MXRA8: variants seen among roughly 807,000 people sequenced by gnomAD.
MXRA8 encodes matrix remodeling-associated protein 8.
A neutral mutation model predicts 51.4 loss-of-function variants in MXRA8; 44 were observed. The ratio of observed to expected loss-of-function variants is 0.86; its 90% CI spans 0.67 to 1.10. MXRA8 has a LOEUF of 1.10. Among genes scored for constraint, MXRA8 ranks in the 50% least tolerant of loss-of-function variants. The pLI, the probability that MXRA8 is intolerant of heterozygous loss-of-function variation, is 0.00. For missense variants in MXRA8, 765 were observed against 638.9 expected (o/e 1.20, Z -2.13); for synonymous variants, 369 against 293.5 (o/e 1.26, Z -2.63).
chr1:1,355,295 A>G lies in MXRA8; in HGVS notation c.427T>C (p.Tyr143His), dbSNP rs200572124. ...GCCAGGCTCTCGTAGAGGTGGCAGT[A>G]GTGATGGTGCAGGTTGCAGGTGTAC... ...GLYTCNLHHH[Y>H]CHLYESLAVR... The change falls in exon 4 of 10, where the codon TAC becomes CAC. Residue 143 changes from tyrosine to histidine, a missense_variant. Transcript: ENST00000309212. The G allele has an allele frequency of 1.3e-6, 2 of 1,579,560 alleles. No homozygotes were observed. Among genetic ancestry groups the G allele is most frequent in the Non-Finnish European group, 1.7e-6 (2 of 1,166,354 alleles).
In MXRA8 at chr1:1,355,291, C is replaced by T; in HGVS notation, c.431G>A (p.Cys144Tyr). The part of the protein sequence containing the change: ...LYTCNLHHHY[C>Y]HLYESLAVRL... ...GACGGCCAGGCTCTCGTAGAGGTGGCAGTAGTGATGGTGCAGGTTGCAGGT... is the reference window on the plus strand; with the variant it reads ...GACGGCCAGGCTCTCGTAGAGGTGGTAGTAGTGATGGTGCAGGTTGCAGGT... The change falls in exon 4 of 10, where the codon TGC becomes TAC. Residue 144 changes from cysteine to tyrosine, a missense_variant. Physicochemically the swap from Cys to Tyr is radical, Grantham distance 194. Coordinates refer to ENST00000309212, the MANE Select transcript of MXRA8 (RefSeq NM_032348.4). 1.3e-6 allele frequency: 2 copies of T among 1,579,336 alleles called. No individual in the cohort carries two copies. Among genetic ancestry groups the T allele is most frequent in the Non-Finnish European group, 1.7e-6 (2 of 1,166,332 alleles).
chr1:1,358,626 C>T (rs536358350), upstream of MXRA8: 17 of 1,446,758 alleles, frequency 1.2e-5, no homozygotes, highest in South Asian at 5.9e-5. Flanking sequence ...GGCCTGTCTA[C>T]GGTCTGGGGA....
upstream of MXRA8, among the ~76,000 whole-genome samples, chr1:1,361,013 C>G (rs941659827): frequency 6.6e-6 from 1 of 150,668 alleles, no homozygotes; most frequent in Non-Finnish European, 1.5e-5. Flanking sequence ...CGCGAAGACA[C>G]AGACACATAC....
At chr1:1,356,327 C>T (rs1281739580) in intron 2 of MXRA8, among the ~76,000 whole-genome samples, 14 of 81,170 alleles carry the variant, frequency 1.7e-4, no homozygotes, top group Admixed American at 6.3e-4. Context: ...TGGTGGGCCC[C>T]GAGGGCCCTG....
In MXRA8 at chr1:1,354,833, G is replaced by A. The variant is rs555920034; in HGVS notation, c.798C>T (p.Asp266=). Residue 266 remains aspartate (D), a synonymous_variant, in exon 5 of 10, where the codon GAC becomes GAT. Coordinates refer to ENST00000309212, the MANE Select transcript of MXRA8 (RefSeq NM_032348.4). ...GCAGGTGGCAGGAGTAGGTGCCCTC[G>A]TCGGCGACCTCCAGCGGCTCGATAC... ...SLRIEPLEVA[D]EGTYSCHLHH... is the part of the protein sequence containing the mutation. 4 of 1,612,234 alleles carry A rather than the reference G, an allele frequency of 2.5e-6. No individual in the cohort carries two copies. The highest frequency in any genetic ancestry group is 1.7e-4 in the Middle Eastern group (1 of 6,046).
In MXRA8 at chr1:1,355,120, T is replaced by C. The variant is rs1429712955; in HGVS notation, c.511A>G (p.Lys171Glu). The C allele has an allele frequency of 1.4e-5, 21 of 1,502,748 alleles. No homozygotes were observed. The highest frequency in any genetic ancestry group is 2.6e-5 in the East Asian group (1 of 38,130). The allele number at this position is 1,502,748 out of a possible 1,614,324, so 93.1% of individuals were successfully genotyped here. A position where few individuals can be genotyped will look rare whatever the true frequency, so the allele number is the denominator to read the frequency against. The change falls in exon 5 of 10, where the codon AAG becomes GAG. Residue 171 changes from lysine to glutamate, a missense_variant. Coordinates refer to ENST00000309212, the MANE Select transcript of MXRA8 (RefSeq NM_032348.4). ...PATPAYWDGE[K>E]EVLAVARGAP... ...CCGCGCGCCACCGCCAGCACCTCCT[T>C]CTCGCCGTCCCAGTAGGCGGGGGTG... is the stretch of plus-strand genomic sequence containing the variant.
chr1:1,356,619 C>T, intron 2 of MXRA8, 62 bp downstream of exon 2: 9 of 1,039,126 alleles, frequency 8.7e-6, no homozygotes, highest in Non-Finnish European at 1.1e-5. Flanking sequence ...GGGGCTGGGC[C>T]TGGCAAGATA....
chr1:1,353,644 C>T lies in MXRA8; in HGVS notation c.1304-15G>A, dbSNP rs753141750. Reference sequence around the variant, plus strand: ...CTTCCGGAACCCTGGAAGCCAAGGGCGCCAACGGGTTGGCGGCTGTCCTCC... The same window carrying T: ...CTTCCGGAACCCTGGAAGCCAAGGGTGCCAACGGGTTGGCGGCTGTCCTCC... On this transcript the variant is annotated splice_polypyrimidine_tract_variant and intron_variant, in intron 9 of 9. Coordinates refer to ENST00000309212, the MANE Select transcript of MXRA8 (RefSeq NM_032348.4). 6.7e-5 allele frequency: 104 copies of T among 1,563,622 alleles called. No individual in the cohort carries two copies. Among genetic ancestry groups the T allele is most frequent in the Middle Eastern group, 1.7e-4 (1 of 5,984 alleles).
chr1:1,357,822 T>G (rs769444413), intron 1 of MXRA8, among the ~76,000 whole-genome samples: 4 of 152,126 alleles, frequency 2.6e-5, no homozygotes, highest in Non-Finnish European at 5.9e-5. Flanking sequence ...AAAAATTCCC[T>G]GAGGGAAACC....
chr1:1,359,429 T>C (rs1644192093), upstream of MXRA8: 3 of 985,410 alleles, frequency 3.0e-6, no homozygotes, highest in Middle Eastern at 5.2e-4. Context: ...CCCAACTCCT[T>C]CTAATCAAGC....
upstream of MXRA8, chr1:1,358,657 C>G (rs138031700): frequency 7.1e-7 from 1 of 1,408,716 alleles, no homozygotes; most frequent in Non-Finnish European, 9.3e-7. Context: ...TGGCTCCTGC[C>G]GGGCCCCTTG....
upstream of MXRA8, among the ~76,000 whole-genome samples, chr1:1,360,710 G>GC (rs1410571640): frequency 1.3e-5 from 2 of 152,176 alleles, no homozygotes; most frequent in African/African-American, 4.8e-5. Flanking sequence ...TGGCCCCACG[G>GC]CCCGCACTGA....
rs1557680054 is a variant in MXRA8 at position 1,353,558 on chromosome 1, A to G, written c.*46T>C. ...TCAGGAGATGCCCCGAGGAGCACAG[A>G]CAGGAGAGGTGCAGCTGCTGGCCCA... On this transcript the variant is annotated 3_prime_UTR_variant, in exon 10 of 10. Transcript: ENST00000309212. 1 of 1,551,552 alleles carries G rather than the reference A, an allele frequency of 6.4e-7. No homozygotes were observed. The highest frequency in any genetic ancestry group is 8.7e-7 in the Non-Finnish European group (1 of 1,147,594).
upstream of MXRA8, among the ~76,000 whole-genome samples, chr1:1,360,137 G>A (rs982167273): frequency 7.2e-5 from 11 of 152,326 alleles, no homozygotes; most frequent in Admixed American, 2.0e-4. Flanking sequence ...TGGTCCGCAC[G>A]ACAGCCTCAG....
At position 1,355,045 on chromosome 1, in the gene MXRA8, G is replaced by GGTCGGTCCACACGTGCCC. The variant is rs1557682705; in HGVS notation, c.568_585dup (p.Gly190_Asp195dup). ...ACCTGTTGAGCCTCCTCCACGTGCCGGTCGGTCCACACGTGCCCGCGGTTC... is the reference window on the plus strand; with the variant it reads ...ACCTGTTGAGCCTCCTCCACGTGCCGGTCGGTCCACACGTGCCCGTCGGTCCACACGTGCCCGCGGTTC... On this transcript the variant is annotated inframe_insertion, in exon 5 of 10. Transcript: ENST00000309212. 3 of 1,607,786 alleles carry GGTCGGTCCACACGTGCCC rather than the reference G, an allele frequency of 1.9e-6. No homozygotes were observed. Among genetic ancestry groups the GGTCGGTCCACACGTGCCC allele is most frequent in the African/African-American group, 1.3e-5 (1 of 74,720 alleles).
intron 8 of MXRA8, 39 bp from the exon 9 acceptor site, chr1:1,353,967 A>T: frequency 6.3e-7 from 1 of 1,590,696 alleles, no homozygotes; most frequent in Admixed American, 1.7e-5. Context: ...CGCTCCCAGG[A>T]TGCACTTCCC....
In MXRA8 at chr1:1,354,733, G is replaced by A. The variant is rs760800740; in HGVS notation, c.898C>T (p.Pro300Ser). The change falls in exon 5 of 10, where the codon CCC becomes TCC. Residue 300 changes from proline to serine, a missense_variant. Coordinates refer to ENST00000309212, the MANE Select transcript of MXRA8 (RefSeq NM_032348.4). ...GAGCCGTTGCCCGGAGAGCCCCGGG[G>A]GGGCGGCTCCGCGTGGGGTTCGGCG... The part of the protein sequence containing the change: ...TVAEPHAEPP[P>S]RGSPGNGSSH... 10 of 1,608,480 alleles carry A rather than the reference G, an allele frequency of 6.2e-6. No individual in the cohort carries two copies. In the South Asian group the frequency reaches 1.1e-4, roughly 18 times the overall value.
chr1:1,358,965 C>T (rs1039593400), upstream of MXRA8: 23 of 985,410 alleles, frequency 2.3e-5, 1 homozygote, highest in South Asian at 9.9e-4. Context: ...CCCAGAAAGG[C>T]CTCCCAGCGC....
rs528238248 is a variant in MXRA8 at position 1,357,254 on chromosome 1, G to A, written c.50-550C>T. On this transcript the variant is annotated intron_variant, in intron 1 of 9. Transcript: ENST00000309212. ...TGAGGGACTCTCATTGTCGTAGGCC[G>A]CCTCGGCATCCACTCTGAATCTAGG... Among the ~76,000 whole-genome samples, 22 of 152,292 alleles carry A rather than the reference G, an allele frequency of 1.4e-4. 1 individual carries two copies. In the South Asian group the frequency reaches 4.6e-3, roughly 32 times the overall value.
Sources: gnomAD v4.1 joint callset for allele counts (sites outside exome capture counted in the v4.1 genomes callset) on GRCh38, gnomAD v4.1.1 for gene constraint, MANE v1.5 for transcripts, NCBI Gene and HGNC (gene_info 2026-07-23, HGNC 2026-07-21) for gene names.